Variants in CRYBA4 observed in about 807,000 individuals in gnomAD.
CRYBA4 encodes the protein beta-crystallin A4.
CRYBA4 carries 30 observed loss-of-function variants against 31.7 expected under a neutral mutation model. That is an observed-to-expected ratio of 0.95 (90% CI 0.71 to 1.28). The LOEUF (loss-of-function observed/expected upper bound fraction) is 1.28, where lower values mean the gene tolerates loss of function less well. CRYBA4 is among the 50% of genes most tolerant of loss of function. The probability of loss-of-function intolerance (pLI) is 0.00; values close to 1 mark genes in which losing one functional copy is unlikely to be tolerated. For synonymous variants in CRYBA4, 102 were observed against 102.3 expected (o/e 1.00, Z 0.02); for missense variants, 225 against 260.7 (o/e 0.86, Z 0.94).
At chr22:26,605,342 A>C in the CRYBA4 span, among the ~76,000 whole-genome samples, 340 of 152,258 alleles carry the variant, frequency 2.2e-3, 1 homozygote, top group African/African-American at 7.4e-3. Context: ...TTTGATGCAC[A>C]GTTTTGCACT....
rs765862216 is a variant in CRYBA4 at position 26,628,407 on chromosome 22, G to A, written c.420G>A (p.Gly140=). The A allele has an allele frequency of 1.5e-5, 24 of 1,613,928 alleles. No homozygotes were observed. In the Admixed American group the frequency reaches 2.5e-4, roughly 17 times the overall value. ...TGGGATGGGAAGGCAATGAAGTAGG[G>A]TCCTTCCACGTCCACTCTGGGGCGT... The part of the protein sequence containing the change: ...QAMGWEGNEV[G]SFHVHSGAWV... The change falls in exon 5 of 6, where the codon GGG becomes GGA. Residue 140 remains glycine, a synonymous_variant. Coordinates refer to ENST00000354760, the MANE Select transcript of CRYBA4 (RefSeq NM_001886.3).
the CRYBA4 span, chr22:26,601,867 A>T: frequency 6.2e-7 from 1 of 1,611,760 alleles, no homozygotes; most frequent in Non-Finnish European, 8.5e-7. Flanking sequence ...ACCTGGCAGG[A>T]GGGATGCTTA....
chr22:26,626,181 C>T (rs1929699282), intron 4 of CRYBA4, among the ~76,000 whole-genome samples: 1 of 152,152 alleles, frequency 6.6e-6, no homozygotes, highest in Non-Finnish European at 1.5e-5. Flanking sequence ...GCGGGTAGAT[C>T]ACTTGAGGCC....
In CRYBA4 at chr22:26,630,512, C is replaced by T; in HGVS notation, c.*25C>T. On this transcript the variant is annotated 3_prime_UTR_variant, in exon 6 of 6. Coordinates refer to ENST00000354760, the MANE Select transcript of CRYBA4 (RefSeq NM_001886.3). ...AACAGGGGTGCGGCACGGAGGAGCG[C>T]ATGCGTGCTTATCTGCAATGGAGGC... is the stretch of plus-strand genomic sequence containing the variant. 2 of 1,605,058 alleles carry T rather than the reference C, an allele frequency of 1.2e-6. No individual in the cohort carries two copies. Among genetic ancestry groups the T allele is most frequent in the Non-Finnish European group, 1.7e-6 (2 of 1,176,192 alleles).
upstream of CRYBA4, among the ~76,000 whole-genome samples, chr22:26,619,117 G>A (rs1258704346): frequency 2.6e-5 from 4 of 152,180 alleles, no homozygotes; most frequent in Admixed American, 6.5e-5. Flanking sequence ...ACTCAATGGT[G>A]GTTCCAATGG....
Position 26,628,398 on chromosome 22 carries a change from T to A in CRYBA4, c.411T>A (p.Asn137Lys). 2 of 1,614,042 alleles carry A rather than the reference T, an allele frequency of 1.2e-6. No individual in the cohort carries two copies. The highest frequency in any genetic ancestry group is 4.5e-5 in the East Asian group (2 of 44,870). Reference sequence around the variant, plus strand: ...TCCAGGCCATGGGATGGGAAGGCAATGAAGTAGGGTCCTTCCACGTCCACT... The same window carrying A: ...TCCAGGCCATGGGATGGGAAGGCAAAGAAGTAGGGTCCTTCCACGTCCACT... ...PSLQAMGWEG[N>K]EVGSFHVHSG... Residue 137 changes from asparagine to lysine, a missense_variant, in exon 5 of 6, where the codon AAT becomes AAA. Coordinates refer to ENST00000354760, the MANE Select transcript of CRYBA4 (RefSeq NM_001886.3).
chr22:26,617,614 C>T (rs932913490), upstream of CRYBA4, among the ~76,000 whole-genome samples: 7 of 151,992 alleles, frequency 4.6e-5, no homozygotes, highest in Admixed American at 4.6e-4. Context: ...CTCTGTTCCT[C>T]CTCTCTTCCC....
the CRYBA4 span, among the ~76,000 whole-genome samples, chr22:26,603,222 T>C: frequency 6.6e-6 from 1 of 151,460 alleles, no homozygotes; most frequent in Non-Finnish European, 1.5e-5. Context: ...AGAGCCTCAG[T>C]TTGTTCATCT....
At chr22:26,592,716 G>C in the CRYBA4 span, among the ~76,000 whole-genome samples, 2 of 152,214 alleles carry the variant, frequency 1.3e-5, no homozygotes, top group Admixed American at 6.5e-5. Context: ...TGTTCAACAG[G>C]GGAAGGGCAT....
At chr22:26,603,260 T>A in the CRYBA4 span, among the ~76,000 whole-genome samples, 1 of 152,222 alleles carries the variant, frequency 6.6e-6, no homozygotes, top group Middle Eastern at 3.4e-3. Context: ...CCAGGCATGG[T>A]GGCTCACATC....
chr22:26,616,065 G>A, the CRYBA4 span: 1 of 1,142,964 alleles, frequency 8.7e-7, no homozygotes, highest in Admixed American at 1.7e-5. Context: ...AGGAAGAGGA[G>A]GAGGAGAAGA....
At position 26,628,301 on chromosome 22, in the gene CRYBA4, C is replaced by T. The variant is rs1929812763; in HGVS notation, c.314C>T (p.Ser105Leu). 2.5e-6 allele frequency: 4 copies of T among 1,613,784 alleles called. No homozygotes were observed. The highest frequency in any genetic ancestry group is 2.2e-5 in the South Asian group (2 of 91,044). Reference sequence around the variant, plus strand: ...CTGTTCCTGTAGAACCACCGTGACTCGAGGCTGACAATCTTCGAGCAAGAG... The same window carrying T: ...CTGTTCCTGTAGAACCACCGTGACTTGAGGCTGACAATCTTCGAGCAAGAG... ...RPAACANHRD[S>L]RLTIFEQENF... The change falls in exon 5 of 6, where the codon TCG (serine) becomes TTG (leucine). Residue 105 changes from serine to leucine, a missense_variant. Ser to Leu is a moderately radical substitution (Grantham distance 145). Transcript: ENST00000354760.
chr22:26,619,524 C>T (rs1316633054), upstream of CRYBA4, among the ~76,000 whole-genome samples: 1 of 152,156 alleles, frequency 6.6e-6, no homozygotes, highest in Admixed American at 6.5e-5. Flanking sequence ...ATTGCGGGGG[C>T]ATCTGGATAG....
At chr22:26,600,056 G>C in the CRYBA4 span, among the ~76,000 whole-genome samples, 1 of 152,168 alleles carries the variant, frequency 6.6e-6, no homozygotes, top group African/African-American at 2.4e-5. Flanking sequence ...ATAGGACTTA[G>C]GGACTGGTTA....
the CRYBA4 span, among the ~76,000 whole-genome samples, chr22:26,591,511 T>A: frequency 6.8e-6 from 1 of 147,356 alleles, no homozygotes; most frequent in Non-Finnish European, 1.5e-5. Context: ...GGGAGGCCGA[T>A]GCGGGTGGAT....
chr22:26,596,098 TTTTTA>T, the CRYBA4 span, among the ~76,000 whole-genome samples: 122 of 150,924 alleles, frequency 8.1e-4, no homozygotes, highest in African/African-American at 2.9e-3. Flanking sequence ...ATGCAAAGAG[TTTTTA>T]TTTTATTTTA....
chr22:26,602,395 G>A, the CRYBA4 span, among the ~76,000 whole-genome samples: 1 of 151,868 alleles, frequency 6.6e-6, no homozygotes, highest in Non-Finnish European at 1.5e-5. Flanking sequence ...ACCAGCCTGG[G>A]CAACATAGCA....
chr22:26,598,186 T>C, the CRYBA4 span, among the ~76,000 whole-genome samples: 3,610 of 152,160 alleles, frequency 0.024, 71 homozygotes, highest in African/African-American at 0.052. Context: ...CCCGGTCCTC[T>C]TTCACACTTT....
chr22:26,616,191 GGTT>G, the CRYBA4 span: 3 of 1,614,208 alleles, frequency 1.9e-6, no homozygotes, highest in Middle Eastern at 1.6e-4. Flanking sequence ...TAATAGGCAC[GGTT>G]GTTGGGGCCA....
Sources: allele counts gnomAD v4.1 joint callset (sites outside exome capture counted in the v4.1 genomes callset), GRCh38; gene constraint gnomAD v4.1.1; transcripts MANE v1.5; gene names NCBI Gene and HGNC (gene_info 2026-07-23, HGNC 2026-07-21).